LARGE1: variants seen among roughly 807,000 people sequenced by gnomAD.
The protein encoded by LARGE1 is LARGE xylosyl- and glucuronyltransferase 1, also known as xylosyl- and glucuronyltransferase LARGE1.
LARGE1 carries 43 observed loss-of-function variants against 87.6 expected under a neutral mutation model. That is an observed-to-expected ratio of 0.49 (90% CI 0.38 to 0.63). The LOEUF (loss-of-function observed/expected upper bound fraction) is 0.63. Ranked by LOEUF, LARGE1 falls within the 30% of genes least tolerant of loss-of-function variation. LARGE1 has a pLI of 0.00. For synonymous variants in LARGE1, 434 were observed against 394.6 expected, an observed-to-expected ratio of 1.10 and a Z score of -1.18; for missense variants, 802 against 1,000.2, an observed-to-expected ratio of 0.80 and a Z score of 2.67.
chr22:33,620,155 G>A (rs1042396220), intron 4 of LARGE1, among the ~76,000 whole-genome samples: 2 of 152,316 alleles, frequency 1.3e-5, no homozygotes, highest in Non-Finnish European at 2.9e-5. Flanking sequence ...TCCTTCAGGG[G>A]CACAAGTGAA....
chr22:33,558,555 C>A (rs1164851722), intron 6 of LARGE1, among the ~76,000 whole-genome samples: 2 of 152,060 alleles, frequency 1.3e-5, no homozygotes, highest in East Asian at 3.9e-4. Flanking sequence ...GGTTCAATGA[C>A]CTCCCTTAGA....
chr22:33,586,209 G>A lies in LARGE1; in HGVS notation c.615+18226C>T, dbSNP rs1038361337. Among the ~76,000 whole-genome samples the A allele has an allele frequency of 2.0e-5, 3 of 152,148 alleles. No individual in the cohort carries two copies. In the East Asian group the frequency reaches 5.8e-4, roughly 29 times the overall value. On this transcript the variant is annotated intron_variant, in intron 5 of 14. Coordinates refer to ENST00000397394, the MANE Select transcript of LARGE1 (RefSeq NM_133642.5). ...TGGAAAACCTGATGTTACTCTTTACGTGTTCCCAAAAGACACCTCCAAAAT... is the reference window on the plus strand; with the variant it reads ...TGGAAAACCTGATGTTACTCTTTACATGTTCCCAAAAGACACCTCCAAAAT...
intron 1 of LARGE1, among the ~76,000 whole-genome samples, chr22:33,783,302 T>A (rs986035949): frequency 1.3e-5 from 2 of 151,972 alleles, no homozygotes; most frequent in Non-Finnish European, 1.5e-5. Context: ...ACTAGAAGGC[T>A]GAGATATTTA....
intron 1 of LARGE1, among the ~76,000 whole-genome samples, chr22:33,871,982 C>CAAAAAAAAAAAAAA (rs58105742): frequency 9.2e-5 from 8 of 86,796 alleles, no homozygotes; most frequent in African/African-American, 1.6e-4. Context: ...TCTAAATCAG[C>CAAAAAAAAAAAAAA]AAAAAAAAAA....
intron 2 of LARGE1, among the ~76,000 whole-genome samples, chr22:33,690,778 C>T (rs759661789): frequency 2.0e-5 from 3 of 152,066 alleles, no homozygotes; most frequent in Non-Finnish European, 4.4e-5. Flanking sequence ...TTAGGGGCCC[C>T]GCTAGCTGAT....
At chr22:33,537,524 A>T (rs756909872) in intron 6 of LARGE1, among the ~76,000 whole-genome samples, 1 of 152,116 alleles carries the variant, frequency 6.6e-6, no homozygotes, top group African/African-American at 2.4e-5. Flanking sequence ...AAGACCATTA[A>T]CTTAATCGCT....
At chr22:33,507,575 A>G (rs926020483) in intron 6 of LARGE1, among the ~76,000 whole-genome samples, 1 of 152,192 alleles carries the variant, frequency 6.6e-6, no homozygotes, top group African/African-American at 2.4e-5. Flanking sequence ...GTTATTATAT[A>G]TATTAATAGG....
At chr22:33,712,372 C>A (rs147312780) in intron 2 of LARGE1, among the ~76,000 whole-genome samples, 1 of 152,036 alleles carries the variant, frequency 6.6e-6, no homozygotes, top group Non-Finnish European at 1.5e-5. Flanking sequence ...CAGGCAGGCA[C>A]GAGAAGACGG....
intron 2 of LARGE1, among the ~76,000 whole-genome samples, chr22:33,681,045 T>C (rs1295233630): frequency 2.1e-5 from 3 of 145,208 alleles, no homozygotes; most frequent in Non-Finnish European, 4.5e-5. Flanking sequence ...AATTTAAAAA[T>C]ATCACAGTGT....
At position 33,637,545 on chromosome 22, in the gene LARGE1, G is replaced by A. The variant is rs141350311; in HGVS notation, c.409-11219C>T. Among the ~76,000 whole-genome samples, 7 of 152,256 alleles carry A rather than the reference G, an allele frequency of 4.6e-5. No individual in the cohort carries two copies. The East Asian group carries it at 1.4e-3, about 29-fold the overall frequency. Reference sequence around the variant, plus strand: ...GCTGTATGACCAATGGAATTCAGCAGAAGTAATGGTATAAGACATCCGAGG... The same window carrying A: ...GCTGTATGACCAATGGAATTCAGCAAAAGTAATGGTATAAGACATCCGAGG... On this transcript the variant is annotated intron_variant, in intron 3 of 14. Coordinates refer to ENST00000397394, the MANE Select transcript of LARGE1 (RefSeq NM_133642.5).
chr22:33,740,396 T>C (rs1272581152), intron 2 of LARGE1, among the ~76,000 whole-genome samples: 1 of 152,210 alleles, frequency 6.6e-6, no homozygotes, highest in Non-Finnish European at 1.5e-5. Flanking sequence ...TTCCCACCTT[T>C]CTATAATTTC....
chr22:33,073,831 C>A, the LARGE1 span, among the ~76,000 whole-genome samples: 2 of 152,136 alleles, frequency 1.3e-5, no homozygotes, highest in African/African-American at 2.4e-5. Context: ...TAAACCTTAC[C>A]TCCTTCACAT....
chr22:33,556,580 C>CAGGCAGGA (rs1569266945), intron 6 of LARGE1, among the ~76,000 whole-genome samples: 1 of 44,944 alleles, frequency 2.2e-5, no homozygotes, highest in Non-Finnish European at 5.3e-5. Flanking sequence ...GGCAGGCAGG[C>CAGGCAGGA]AGGCAGGAAG....
chr22:33,386,078 G>C (rs1258961258), intron 7 of LARGE1, among the ~76,000 whole-genome samples: 2 of 148,824 alleles, frequency 1.3e-5, no homozygotes, highest in Non-Finnish European at 3.0e-5. Flanking sequence ...TTAATACACA[G>C]AGATCTGAAC....
intron 6 of LARGE1, among the ~76,000 whole-genome samples, chr22:33,448,156 T>C (rs1464678423): frequency 6.6e-6 from 1 of 152,126 alleles, no homozygotes; most frequent in Non-Finnish European, 1.5e-5. Flanking sequence ...GATAAAGACA[T>C]CTTGAAACTA....
chr22:33,143,026 C>G, the LARGE1 span, among the ~76,000 whole-genome samples: 1 of 152,182 alleles, frequency 6.6e-6, no homozygotes, highest in Non-Finnish European at 1.5e-5. Context: ...GCCACTTCCT[C>G]TACCTGGCAT....
rs2064300636 is a variant in LARGE1 at position 33,871,992 on chromosome 22, AAAAAAAG to A, written c.-83+47996_-83+48002del. ...CTATTTCTAAATCAGCAAAAAAAAA[AAAAAAAG>A]AAAAGAAAACAATATTGGGGAAAGG... On this transcript the variant is annotated intron_variant, in intron 1 of 14. Transcript: ENST00000397394. Among the ~76,000 whole-genome samples the A allele has an allele frequency of 2.0e-5, 3 of 151,548 alleles. 1 individual carries two copies. Among genetic ancestry groups the A allele is most frequent in the South Asian group, 4.2e-4 (2 of 4,724 alleles).
At chr22:33,074,599 A>G in the LARGE1 span, among the ~76,000 whole-genome samples, 1 of 151,550 alleles carries the variant, frequency 6.6e-6, no homozygotes, top group South Asian at 2.1e-4. Context: ...TGCTTGAACC[A>G]GGGAGACGGA....
chr22:33,836,865 T>A (rs1322474558), intron 1 of LARGE1, among the ~76,000 whole-genome samples: 1 of 150,952 alleles, frequency 6.6e-6, no homozygotes, highest in Non-Finnish European at 1.5e-5. Context: ...AAGTACCAAC[T>A]ACCATTATGA....
Sources: gnomAD v4.1 joint callset for allele counts (sites outside exome capture counted in the v4.1 genomes callset) on GRCh38, gnomAD v4.1.1 for gene constraint, MANE v1.5 for transcripts, NCBI Gene and HGNC (gene_info 2026-07-23, HGNC 2026-07-21) for gene names.